CTNNA1: variants seen among roughly 807,000 people sequenced by gnomAD.
CTNNA1 encodes the protein catenin alpha 1.
In CTNNA1, 37 loss-of-function variants were observed where a neutral mutation model predicts 98.4. The ratio of observed to expected loss-of-function variants is 0.38; its 90% CI spans 0.29 to 0.49. The LOEUF (loss-of-function observed/expected upper bound fraction) is 0.49. CTNNA1 is among the 20% of genes least tolerant of loss of function. The probability of loss-of-function intolerance (pLI) is 0.95; values close to 1 mark genes in which losing one functional copy is unlikely to be tolerated. For synonymous variants in CTNNA1, 404 were observed against 413.2 expected (o/e 0.98, Z 0.27); for missense variants, 761 against 1,147.2 (o/e 0.66, Z 4.86).
At chr5:138,924,069 A>G (rs1299690773) in intron 11 of CTNNA1, among the ~76,000 whole-genome samples, 1 of 152,216 alleles carries the variant, frequency 6.6e-6, no homozygotes, top group Non-Finnish European at 1.5e-5. Context: ...TTGTCTGAAT[A>G]TCATCAGCAT....
chr5:138,771,642 C>T (rs966061642), intron 1 of CTNNA1, among the ~76,000 whole-genome samples: 2 of 152,272 alleles, frequency 1.3e-5, no homozygotes, highest in Admixed American at 1.3e-4. Flanking sequence ...CCACCTTGGC[C>T]TCCCAGAGTG....
chr5:138,868,384 G>C (rs1488307313), intron 7 of CTNNA1, among the ~76,000 whole-genome samples: 1 of 152,202 alleles, frequency 6.6e-6, no homozygotes, highest in African/African-American at 2.4e-5. Flanking sequence ...ATCCAGGGTG[G>C]AGGAGGTCAT....
chr5:138,892,261 T>TA (rs1300340693), intron 9 of CTNNA1, among the ~76,000 whole-genome samples: 1 of 150,846 alleles, frequency 6.6e-6, no homozygotes, highest in East Asian at 2.0e-4. Flanking sequence ...AACACATACT[T>TA]ACATATTTTC....
chr5:138,812,903 A>G (rs986435097), intron 5 of CTNNA1, among the ~76,000 whole-genome samples: 2 of 152,222 alleles, frequency 1.3e-5, no homozygotes, highest in African/African-American at 4.8e-5. Context: ...ATATTCTTCA[A>G]GGAAGATCCA....
Position 138,925,306 on chromosome 5 carries a change from T to A in CTNNA1, c.1798T>A (p.Ser600Thr), listed in dbSNP as rs191687307. The A allele has an allele frequency of 1.9e-6, 3 of 1,614,070 alleles. No homozygotes were observed. The East Asian group carries it at 6.7e-5, about 36-fold the overall frequency. ...AGAAGCAGCCGTGGAAGCCCTCAGC[T>A]CGGACCCTGCCCAGCCCATGGATGA... ...QVEAAVEALS[S>T]DPAQPMDENE... Residue 600 changes from serine to threonine, a missense_variant, in exon 13 of 18, where the codon TCG (serine) becomes ACG (threonine). Coordinates refer to ENST00000302763, the MANE Select transcript of CTNNA1 (RefSeq NM_001903.5).
intron 1 of CTNNA1, among the ~76,000 whole-genome samples, chr5:138,765,320 C>T (rs976365767): frequency 4.0e-5 from 6 of 151,694 alleles, no homozygotes; most frequent in African/African-American, 9.7e-5. Flanking sequence ...GGATTACAGG[C>T]GTGAGCCACC....
At position 138,827,691 on chromosome 5, in the gene CTNNA1, G is replaced by A. The variant is rs754095343; in HGVS notation, c.1035G>A (p.Gln345=). The change falls in exon 7 of 18, where the codon CAG becomes CAA. Residue 345 remains glutamine, a synonymous_variant. Coordinates refer to ENST00000302763, the MANE Select transcript of CTNNA1 (RefSeq NM_001903.5). The stretch of plus-strand genomic sequence containing the variant: ...GTAATGCTGTCCGCCAGGCCCTGCA[G>A]GACCTGCTTTCGGAGTACATGGGCA... ...AECNAVRQAL[Q]DLLSEYMGNA... 1.9e-6 allele frequency: 3 copies of A among 1,614,110 alleles called. No individual in the cohort carries two copies. Among genetic ancestry groups the A allele is most frequent in the African/African-American group, 1.3e-5 (1 of 74,942 alleles).
intron 1 of CTNNA1, among the ~76,000 whole-genome samples, chr5:138,764,205 A>G (rs150504071): frequency 1.3e-5 from 2 of 151,560 alleles, no homozygotes; most frequent in African/African-American, 2.4e-5. Context: ...AAAACAAAAA[A>G]CAAAAAAATA....
chr5:138,806,659 A>G (rs1355629111), intron 3 of CTNNA1, among the ~76,000 whole-genome samples: 4 of 151,724 alleles, frequency 2.6e-5, no homozygotes, highest in African/African-American at 7.3e-5. Flanking sequence ...TGGCCTTTCT[A>G]CTCCCATCTT....
rs1217532059 is a variant in CTNNA1 at position 138,850,684 on chromosome 5, T to C, written c.1062+22966T>C. On this transcript the variant is annotated intron_variant, in intron 7 of 17. Transcript: ENST00000302763. Reference sequence around the variant, plus strand: ...GTTTTACTATTTCACTGTAGTCTCTTTCAGTTTGTGTATCCAACGACTCCT... The same window carrying C: ...GTTTTACTATTTCACTGTAGTCTCTCTCAGTTTGTGTATCCAACGACTCCT... Among the ~76,000 whole-genome samples the C allele has an allele frequency of 2.0e-5, 3 of 152,198 alleles. No individual in the cohort carries two copies. In the East Asian group the frequency reaches 5.8e-4, roughly 29 times the overall value.
At chr5:138,853,005 T>C (rs1177029586) in intron 7 of CTNNA1, among the ~76,000 whole-genome samples, 1 of 152,154 alleles carries the variant, frequency 6.6e-6, no homozygotes, top group African/African-American at 2.4e-5. Flanking sequence ...TACCTCTAAT[T>C]TGTTCATTTT....
chr5:138,933,101 T>G lies in CTNNA1; in HGVS notation c.2433+389T>G. 6.0e-6 allele frequency: 4 copies of G among 664,406 alleles called. 1 individual carries two copies. The South Asian group carries it at 6.8e-5, about 11-fold the overall frequency. 41.2% of individuals were successfully genotyped at this position (664,406 alleles called of 1,614,324 possible). A position where few individuals can be genotyped will look rare whatever the true frequency, so the allele number is the denominator to read the frequency against. On this transcript the variant is annotated intron_variant, in intron 17 of 17. Transcript: ENST00000302763. Reference sequence around the variant, plus strand: ...GTGAGCCGAGATGGCACCACTGCACTCCCGTCTGGGCAACAGAACAAGACT... The same window carrying G: ...GTGAGCCGAGATGGCACCACTGCACGCCCGTCTGGGCAACAGAACAAGACT...
intron 3 of CTNNA1, among the ~76,000 whole-genome samples, chr5:138,785,084 C>T (rs1444080204): frequency 2.2e-5 from 3 of 138,428 alleles, no homozygotes; most frequent in South Asian, 2.3e-4. Flanking sequence ...TTTTTTGAGA[C>T]GGAGTCTCGC....
intron 3 of CTNNA1, among the ~76,000 whole-genome samples, chr5:138,791,833 G>A (rs1225157431): frequency 1.6e-5 from 2 of 123,846 alleles, no homozygotes; most frequent in Admixed American, 1.7e-4. Context: ...GTTCATTGTA[G>A]CTGTTCTTGT....
At chr5:138,825,482 G>GTTTTTTTTTTTTTTTGTT (rs1760590421) in intron 6 of CTNNA1, among the ~76,000 whole-genome samples, 1 of 74,114 alleles carries the variant, frequency 1.3e-5, no homozygotes, top group Non-Finnish European at 2.4e-5. Flanking sequence ...AGCAGTATAA[G>GTTTTTTTTTTTTTTTGTT]TTTTTTTTTT....
At chr5:138,857,416 TATTGA>T (rs1763822786) in intron 7 of CTNNA1, among the ~76,000 whole-genome samples, 1 of 152,184 alleles carries the variant, frequency 6.6e-6, no homozygotes, top group South Asian at 2.1e-4. Flanking sequence ...TACCCAGCCA[TATTGA>T]AATCCTGCTG....
chr5:138,928,909 C>T (rs1338079909), intron 13 of CTNNA1, among the ~76,000 whole-genome samples: 2 of 151,752 alleles, frequency 1.3e-5, no homozygotes, highest in Non-Finnish European at 2.9e-5. Context: ...GCACTCCAGC[C>T]TGGGTGACAG....
intron 7 of CTNNA1, among the ~76,000 whole-genome samples, chr5:138,846,034 C>T (rs1762698174): frequency 2.0e-5 from 3 of 152,172 alleles, no homozygotes; most frequent in Admixed American, 1.3e-4. Context: ...TCAAGCGATT[C>T]TCCTGCCTCA....
chr5:138,917,752 C>CT lies in CTNNA1; in HGVS notation c.1401dup (p.Ala468CysfsTer11). 6.2e-7 allele frequency: 1 copy of CT among 1,614,024 alleles called. No individual in the cohort carries two copies. The highest frequency in any genetic ancestry group is 8.5e-7 in the Non-Finnish European group (1 of 1,179,976). On this transcript the variant is annotated frameshift_variant, in exon 11 of 18. Transcript: ENST00000302763. LOFTEE classifies it high-confidence loss of function. ...TAATATCTTTTGCAGGTTATTAATG[C>CT]TGCACTGGCTTTAGCAGCAAAACCA...
Sources: gnomAD v4.1 joint callset for allele counts (sites outside exome capture counted in the v4.1 genomes callset) on GRCh38, gnomAD v4.1.1 for gene constraint, MANE v1.5 for transcripts, NCBI Gene and HGNC (gene_info 2026-07-23, HGNC 2026-07-21) for gene names.